Variants in PLK1 observed in about 807,000 individuals in gnomAD.
The protein encoded by PLK1 is serine/threonine-protein kinase PLK1.
Under a neutral mutation model 56.7 loss-of-function variants are expected in PLK1, and 6 were observed. The ratio of observed to expected loss-of-function variants is 0.11; its 90% CI spans 0.06 to 0.21. The LOEUF (loss-of-function observed/expected upper bound fraction) is 0.21, where lower values mean the gene tolerates loss of function less well. Ranked by LOEUF, PLK1 falls within the 10% of genes least tolerant of loss-of-function variation. PLK1 has a pLI of 1.00. For missense variants in PLK1, 546 were observed against 814.4 expected, an observed-to-expected ratio of 0.67 and a Z score of 4.01; for synonymous variants, 298 against 325.0, an observed-to-expected ratio of 0.92 and a Z score of 0.89.
Position 23,684,054 on chromosome 16 carries a change from C to T in PLK1, c.1001C>T (p.Pro334Leu). Residue 334 changes from proline to leucine, a missense_variant, in exon 5 of 10, where the codon CCC (proline) becomes CTC (leucine). Coordinates refer to ENST00000300093, the MANE Select transcript of PLK1 (RefSeq NM_005030.6). ...TCGATTGCTCCCAGCAGCCTGGACC[C>T]CAGCAACCGGAAGCCCCTCACAGTC... The part of the protein sequence containing the change: ...RFSIAPSSLD[P>L]SNRKPLTVLN... The T allele has an allele frequency of 6.2e-7, 1 of 1,614,152 alleles. No homozygotes were observed. The highest frequency in any genetic ancestry group is 8.5e-7 in the Non-Finnish European group (1 of 1,180,012).
At chr16:23,686,097 G>T (rs1250056456) in intron 5 of PLK1, among the ~76,000 whole-genome samples, 24 of 152,002 alleles carry the variant, frequency 1.6e-4, no homozygotes, top group Admixed American at 1.6e-3. Flanking sequence ...GGAGTGCAGT[G>T]GCACAGTCGT....
At position 23,678,942 on chromosome 16, in the gene PLK1, G is replaced by T. The variant is rs759656440; in HGVS notation, c.10G>T (p.Ala4Ser). The change falls in exon 1 of 10, where the codon GCA (alanine) becomes TCA (serine). Residue 4 changes from alanine (A) to serine (S), a missense_variant. By Grantham distance (99) the Ala-to-Ser change is moderately conservative (BLOSUM62 1). Around this residue, in one of 7 missense-constraint regions of PLK1, gnomAD observed 72 missense variants for 63.7 expected, o/e 1.13. Transcript: ENST00000300093. Reference sequence around the variant, plus strand: ...GCGCAGCTTCGGGAGCATGAGTGCTGCAGTGACTGCAGGGAAGCTGGCACG... The same window carrying T: ...GCGCAGCTTCGGGAGCATGAGTGCTTCAGTGACTGCAGGGAAGCTGGCACG... MSA[A>S]VTAGKLARAP... The T allele has an allele frequency of 3.2e-6, 5 of 1,554,892 alleles. No individual in the cohort carries two copies. In the South Asian group the frequency reaches 4.7e-5, roughly 15 times the overall value.
intron 5 of PLK1, among the ~76,000 whole-genome samples, chr16:23,684,563 A>C (rs1467255171): frequency 6.6e-6 from 1 of 152,058 alleles, no homozygotes; most frequent in African/African-American, 2.4e-5. Context: ...CATGTTGCCC[A>C]GGCTGGTCTT....
At chr16:23,685,058 C>T (rs1959405270) in intron 5 of PLK1, among the ~76,000 whole-genome samples, 1 of 131,416 alleles carries the variant, frequency 7.6e-6, no homozygotes, top group African/African-American at 2.9e-5. Context: ...CTCGATTTCA[C>T]TAAGGATACA....
rs945843691 is a variant in PLK1 at position 23,689,857 on chromosome 16, C to A, written c.1609-3C>A. On this transcript the variant is annotated splice_polypyrimidine_tract_variant and splice_region_variant and intron_variant, in intron 9 of 9. Transcript: ENST00000300093. This position sits in a 1 kb window ranked among gnomAD's most constrained non-coding sequence, Gnocchi z 4.8. ...GCCAACCCCTGCTGCTCTTCTCTTG[C>A]AGGATCACACCAAGCTCATCTTGTG... is the stretch of plus-strand genomic sequence containing the variant. 10 of 1,612,740 alleles carry A rather than the reference C, an allele frequency of 6.2e-6. No individual in the cohort carries two copies. In the Admixed American group the frequency reaches 1.5e-4, roughly 24 times the overall value.
chr16:23,689,971 A>G lies in PLK1; in HGVS notation c.1720A>G (p.Lys574Glu), dbSNP rs1271355789. 1.2e-6 allele frequency: 2 copies of G among 1,613,840 alleles called. No individual in the cohort carries two copies. The highest frequency in any genetic ancestry group is 1.7e-6 in the Non-Finnish European group (2 of 1,179,970). The change falls in exon 10 of 10, where the codon AAG becomes GAG. Residue 574 changes from lysine (K) to glutamate (E), a missense_variant. By Grantham distance (56) the Lys-to-Glu change is moderately conservative (BLOSUM62 1). Transcript: ENST00000300093. The surrounding 1 kb of genome is among the most constrained non-coding windows in gnomAD (Gnocchi z 4.8). ...LSLLEEYGCCKELASRLRYAR... is the reference protein window; with the variant it reads ...LSLLEEYGCCEELASRLRYAR... ...TCTCCTGGAGGAGTACGGCTGCTGC[A>G]AGGAGCTGGCCAGCCGGCTCCGCTA...
At chr16:23,679,428 G>T in intron 1 of PLK1, 88 bp downstream of exon 1, 1 of 1,255,852 alleles carries the variant, frequency 8.0e-7, no homozygotes. Context: ...ACCCAGCAAG[G>T]GAGAGCCTGG....
chr16:23,679,404 C>G (rs1358813959), intron 1 of PLK1, 64 bp downstream of exon 1: 1 of 1,490,414 alleles, frequency 6.7e-7, no homozygotes, highest in Non-Finnish European at 9.1e-7. Context: ...AGACCTGGAG[C>G]TGCTGGAAAG....
chr16:23,690,112 C>T lies in PLK1; in HGVS notation c.*49C>T. The T allele has an allele frequency of 6.9e-7, 1 of 1,459,714 alleles. No individual in the cohort carries two copies. The highest frequency in any genetic ancestry group is 9.5e-7 in the Non-Finnish European group (1 of 1,053,696). 90.4% of individuals were successfully genotyped at this position (1,459,714 alleles called of 1,614,324 possible). A position where few individuals can be genotyped will look rare whatever the true frequency, so the allele number is the denominator to read the frequency against. On this transcript the variant is annotated 3_prime_UTR_variant, in exon 10 of 10. Transcript: ENST00000300093. ...GTGCCCTCCTCACTCCCACCTGCAT[C>T]TGGGGCCCATACTGGTTGGCTCCCG...
chr16:23,689,693 C>T lies in PLK1; in HGVS notation c.1608+17C>T, dbSNP rs1959507723. 6.3e-7 allele frequency: 1 copy of T among 1,590,926 alleles called. No homozygotes were observed. The highest frequency in any genetic ancestry group is 1.3e-5 in the African/African-American group (1 of 74,528). Reference sequence around the variant, plus strand: ...TTCTTCCAGGTGAGCTGGAGGTCACCAGGCGCAGGAGAGAGCTGGGGTAGG... The same window carrying T: ...TTCTTCCAGGTGAGCTGGAGGTCACTAGGCGCAGGAGAGAGCTGGGGTAGG... On this transcript the variant is annotated intron_variant, in intron 9 of 9. Coordinates refer to ENST00000300093, the MANE Select transcript of PLK1 (RefSeq NM_005030.6). The surrounding 1 kb of genome is among the most constrained non-coding windows in gnomAD (Gnocchi z 4.8).
At position 23,689,832 on chromosome 16, in the gene PLK1, G is replaced by A. The variant is rs113765860; in HGVS notation, c.1609-28G>A. On this transcript the variant is annotated intron_variant, in intron 9 of 9. Coordinates refer to ENST00000300093, the MANE Select transcript of PLK1 (RefSeq NM_005030.6). This position sits in a 1 kb window ranked among gnomAD's most constrained non-coding sequence, Gnocchi z 4.8. ...CTAACATACACTGGCCTCTGGGATC[G>A]CCAACCCCTGCTGCTCTTCTCTTGC... 6.2e-6 allele frequency: 10 copies of A among 1,601,630 alleles called. No individual in the cohort carries two copies. Among genetic ancestry groups the A allele is most frequent in the African/African-American group, 1.3e-5 (1 of 74,764 alleles).
In PLK1 at chr16:23,680,996, C is replaced by G. The variant is rs747697585; in HGVS notation, c.660C>G (p.Pro220=). ...GTGGGACTCCTAATTACATAGCTCC[C>G]GAGGTGCTGAGCAAGAAAGGGCACA... ...TLCGTPNYIA[P]EVLSKKGHSF... Residue 220 remains proline (P), a synonymous_variant, in exon 3 of 10, where the codon CCC becomes CCG. Transcript: ENST00000300093. The G allele has an allele frequency of 6.2e-7, 1 of 1,612,818 alleles. No individual in the cohort carries two copies. The highest frequency in any genetic ancestry group is 8.5e-7 in the Non-Finnish European group (1 of 1,179,488).
chr16:23,684,953 C>T (rs1435923173), intron 5 of PLK1, among the ~76,000 whole-genome samples: 1 of 120,272 alleles, frequency 8.3e-6, no homozygotes, highest in Non-Finnish European at 1.7e-5. Context: ...CCACCAGGCC[C>T]GGCCTTTTTT....
In PLK1 at chr16:23,678,901, C is replaced by A; in HGVS notation, c.-32C>A. On this transcript the variant is annotated 5_prime_UTR_variant, in exon 1 of 10. Coordinates refer to ENST00000300093, the MANE Select transcript of PLK1 (RefSeq NM_005030.6). ...AGCGGAGCGGTGCGGAGGCTCTGCT[C>A]GGATCGAGGTCTGCAGCGCAGCTTC... is the stretch of plus-strand genomic sequence containing the variant. The A allele has an allele frequency of 6.8e-7, 1 of 1,462,874 alleles. No homozygotes were observed. The highest frequency in any genetic ancestry group is 1.4e-5 in the South Asian group (1 of 73,046). The allele number at this position is 1,462,874 out of a possible 1,614,324, so 90.6% of individuals were successfully genotyped here. A position where few individuals can be genotyped will look rare whatever the true frequency, so the allele number is the denominator to read the frequency against.
Position 23,678,926 on chromosome 16 carries a change from C to A in PLK1, c.-7C>A, listed in dbSNP as rs1489911683. 6.6e-7 allele frequency: 1 copy of A among 1,512,728 alleles called. No individual in the cohort carries two copies. The allele number at this position is 1,512,728 out of a possible 1,614,324, so 93.7% of individuals were successfully genotyped here. ...CGGATCGAGGTCTGCAGCGCAGCTT[C>A]GGGAGCATGAGTGCTGCAGTGACTG... On this transcript the variant is annotated 5_prime_UTR_variant, in exon 1 of 10. Transcript: ENST00000300093.
chr16:23,682,484 C>T (rs981461319), intron 4 of PLK1, among the ~76,000 whole-genome samples: 4 of 150,228 alleles, frequency 2.7e-5, no homozygotes, highest in Non-Finnish European at 4.4e-5. Flanking sequence ...CAAATGGATT[C>T]TGCCACTTAG....
At chr16:23,679,746 C>T in intron 1 of PLK1, 1 of 284,274 alleles carries the variant, frequency 3.5e-6, no homozygotes, top group Non-Finnish European at 6.6e-6. Context: ...TTCGGGCCTT[C>T]CGGGGGAGAT....
At position 23,690,000 on chromosome 16, in the gene PLK1, C is replaced by T. The variant is rs781769916; in HGVS notation, c.1749C>T (p.Ala583=). Residue 583 remains alanine (A), a synonymous_variant, in exon 10 of 10, where the codon GCC becomes GCT. Coordinates refer to ENST00000300093, the MANE Select transcript of PLK1 (RefSeq NM_005030.6). The surrounding 1 kb of genome is among the most constrained non-coding windows in gnomAD (Gnocchi z 4.8). ...AGCTGGCCAGCCGGCTCCGCTACGCCCGCACTATGGTGGACAAGCTGCTGA... is the reference window on the plus strand; with the variant it reads ...AGCTGGCCAGCCGGCTCCGCTACGCTCGCACTATGGTGGACAAGCTGCTGA... The part of the protein sequence containing the change: ...CKELASRLRY[A]RTMVDKLLSS... 13 of 1,613,554 alleles carry T rather than the reference C, an allele frequency of 8.1e-6. No individual in the cohort carries two copies. The highest frequency in any genetic ancestry group is 2.2e-5 in the East Asian group (1 of 44,888).
intron 1 of PLK1, chr16:23,679,551 G>T (rs1597133640): frequency 3.6e-6 from 2 of 561,062 alleles, no homozygotes; most frequent in Non-Finnish European, 6.3e-6. Flanking sequence ...TTCCAGTGAA[G>T]TGGAGTCTGA....
Sources: gnomAD v4.1 joint callset for allele counts (sites outside exome capture counted in the v4.1 genomes callset) on GRCh38, gnomAD v4.1.1 for gene constraint, gnomAD v4.1.1 regional missense constraint, Gnocchi (gnomAD v3.1) non-coding constraint, MANE v1.5 for transcripts, NCBI Gene and HGNC (gene_info 2026-07-23, HGNC 2026-07-21) for gene names.